GRM7: variants seen among roughly 807,000 people sequenced by gnomAD.
GRM7 encodes the protein metabotropic glutamate receptor 7.
In GRM7, 35 loss-of-function variants were observed where a neutral mutation model predicts 84.5. The observed-to-expected ratio is 0.41, with a 90% CI of 0.32 to 0.55. The LOEUF (loss-of-function observed/expected upper bound fraction) is 0.55, where lower values mean the gene tolerates loss of function less well. GRM7 is among the 20% of genes least tolerant of loss of function. The pLI is 0.19. For missense variants in GRM7, 1,003 were observed against 1,194.6 expected (o/e 0.84, Z 2.36); for synonymous variants, 487 against 455.1 (o/e 1.07, Z -0.89).
chr3:7,043,885 G>A (rs1024133000), intron 1 of GRM7, among the ~76,000 whole-genome samples: 2 of 152,148 alleles, frequency 1.3e-5, no homozygotes, highest in Admixed American at 6.5e-5. Context: ...TCACTGTGTT[G>A]CCCAGGCAGG....
intron 1 of GRM7, among the ~76,000 whole-genome samples, chr3:6,999,088 G>T (rs538313392): frequency 6.6e-6 from 1 of 151,908 alleles, no homozygotes. Context: ...AATTTTTTTT[G>T]CTCTGCTTGC....
intron 2 of GRM7, among the ~76,000 whole-genome samples, chr3:7,290,106 T>C (rs1056000990): frequency 6.6e-6 from 1 of 152,176 alleles, no homozygotes; most frequent in Non-Finnish European, 1.5e-5. Context: ...AAAGAATGCC[T>C]GAAATATGAA....
intron 1 of GRM7, among the ~76,000 whole-genome samples, chr3:6,884,068 T>A (rs1695606301): frequency 6.6e-6 from 1 of 152,196 alleles, no homozygotes; most frequent in African/African-American, 2.4e-5. Flanking sequence ...TTCCAACATG[T>A]TTTTGCAGTG....
intron 1 of GRM7, among the ~76,000 whole-genome samples, chr3:6,884,007 A>G (rs567304401): frequency 6.6e-6 from 1 of 152,342 alleles, no homozygotes; most frequent in South Asian, 2.1e-4. Flanking sequence ...AAATGCCAAT[A>G]TAAGTTATAT....
intron 4 of GRM7, among the ~76,000 whole-genome samples, chr3:7,307,029 T>C (rs888736309): frequency 1.1e-4 from 17 of 152,212 alleles, no homozygotes; most frequent in African/African-American, 3.6e-4. Context: ...ATTATTTCCT[T>C]ATTAGAAGAA....
At chr3:7,728,445 A>C (rs1269878094) in intron 9 of GRM7, among the ~76,000 whole-genome samples, 1 of 152,190 alleles carries the variant, frequency 6.6e-6, no homozygotes, top group Non-Finnish European at 1.5e-5. Context: ...GAAAGGTAAG[A>C]GGCCAGAATT....
intron 7 of GRM7, among the ~76,000 whole-genome samples, chr3:7,531,772 C>T (rs1000809684): frequency 2.0e-5 from 3 of 152,070 alleles, no homozygotes; most frequent in Non-Finnish European, 4.4e-5. Flanking sequence ...GACTTCCTCT[C>T]TTCCTATTTG....
intron 8 of GRM7, among the ~76,000 whole-genome samples, chr3:7,648,248 G>T (rs1173995089): frequency 1.4e-5 from 2 of 146,010 alleles, no homozygotes; most frequent in African/African-American, 5.0e-5. Context: ...GCTATAAATA[G>T]TTTTTTTTTT....
At chr3:7,547,741 C>G (rs1440984244) in intron 7 of GRM7, among the ~76,000 whole-genome samples, 1 of 152,140 alleles carries the variant, frequency 6.6e-6, no homozygotes, top group Non-Finnish European at 1.5e-5. Context: ...CCATCTGACT[C>G]TCCCATGTAC....
intron 2 of GRM7, among the ~76,000 whole-genome samples, chr3:7,187,960 T>A (rs1038265824): frequency 2.6e-5 from 4 of 152,186 alleles, no homozygotes; most frequent in Non-Finnish European, 5.9e-5. Flanking sequence ...TGGGAGTTGA[T>A]GTCCAAGGAT....
chr3:7,357,920 A>G (rs1295160670), intron 4 of GRM7, among the ~76,000 whole-genome samples: 2 of 152,104 alleles, frequency 1.3e-5, no homozygotes, highest in African/African-American at 4.8e-5. Flanking sequence ...TTCCAATCCA[A>G]TAGCCCAATA....
chr3:7,023,846 C>T (rs1695871988), intron 1 of GRM7, among the ~76,000 whole-genome samples: 1 of 152,210 alleles, frequency 6.6e-6, no homozygotes, highest in African/African-American at 2.4e-5. Context: ...ATGCAATTTA[C>T]AAGAGATTGT....
At chr3:7,693,071 G>A (rs1700869920) in intron 9 of GRM7, among the ~76,000 whole-genome samples, 1 of 148,472 alleles carries the variant, frequency 6.7e-6, no homozygotes, top group Admixed American at 6.8e-5. Flanking sequence ...TTTAAATACT[G>A]TACTTCCTGT....
At chr3:7,473,763 T>C (rs1311596511) in intron 7 of GRM7, among the ~76,000 whole-genome samples, 2 of 152,148 alleles carry the variant, frequency 1.3e-5, no homozygotes, top group Non-Finnish European at 2.9e-5. Flanking sequence ...CCCAGTTGAG[T>C]GATCAGTATT....
chr3:7,061,098 T>A (rs912600101), intron 1 of GRM7, among the ~76,000 whole-genome samples: 3 of 151,796 alleles, frequency 2.0e-5, no homozygotes, highest in Admixed American at 6.6e-5. Flanking sequence ...TTAAGATTTA[T>A]ATGTGGGCAG....
intron 4 of GRM7, among the ~76,000 whole-genome samples, chr3:7,357,568 C>G (rs891928929): frequency 5.3e-5 from 8 of 152,062 alleles, no homozygotes; most frequent in African/African-American, 1.2e-4. Context: ...ATCTAAATAG[C>G]TGGGCTATTT....
chr3:7,178,151 C>T (rs10510352), intron 2 of GRM7, among the ~76,000 whole-genome samples: 38,312 of 152,068 alleles, frequency 0.25, 5,583 homozygotes, highest in Non-Finnish European at 0.34. Context: ...TTTATTAAAG[C>T]CAAAGTCATA....
chr3:7,040,289 T>A (rs2124939962), intron 1 of GRM7, among the ~76,000 whole-genome samples: 1 of 151,576 alleles, frequency 6.6e-6, no homozygotes, highest in East Asian at 1.9e-4. Flanking sequence ...GATTAGACCC[T>A]TGTCTGTCTC....
At chr3:7,307,255 A>T (rs1700225618) in intron 4 of GRM7, among the ~76,000 whole-genome samples, 1 of 152,206 alleles carries the variant, frequency 6.6e-6, no homozygotes, top group Admixed American at 6.5e-5. Flanking sequence ...AGTAGGAAAG[A>T]GTGTCTGTTG....
Sources: allele counts gnomAD v4.1 joint callset (sites outside exome capture counted in the v4.1 genomes callset), GRCh38; gene constraint gnomAD v4.1.1; transcripts MANE v1.5; gene names NCBI Gene and HGNC (gene_info 2026-07-23, HGNC 2026-07-21).